MOCS1: variants seen among roughly 807,000 people sequenced by gnomAD.
MOCS1 encodes the protein molybdenum cofactor synthesis 1, also known as molybdenum cofactor biosynthesis protein 1.
In MOCS1, 39 loss-of-function variants were observed where a neutral mutation model predicts 57.6. The ratio of observed to expected loss-of-function variants is 0.68; its 90% CI spans 0.52 to 0.88. MOCS1 has a LOEUF of 0.88. Ranked by LOEUF, MOCS1 falls within the 40% of genes least tolerant of loss-of-function variation. MOCS1 has a pLI of 0.00. For synonymous variants in MOCS1, 334 were observed against 335.7 expected, an observed-to-expected ratio of 1.00 and a Z score of 0.05; for missense variants, 795 against 831.1, an observed-to-expected ratio of 0.96 and a Z score of 0.53.
chr6:39,923,625 C>T (rs3008818), intron 3 of MOCS1, among the ~76,000 whole-genome samples: 88,299 of 152,212 alleles, frequency 0.58, 25,877 homozygotes, highest in East Asian at 0.81. Context: ...CCTTTCCTGG[C>T]AGCCAGCCTG....
chr6:39,913,249 G>A, intron 6 of MOCS1, 68 bp downstream of exon 6: 1 of 1,375,242 alleles, frequency 7.3e-7, no homozygotes, highest in Non-Finnish European at 1.0e-6. Context: ...CCCAGTGGGT[G>A]AGCCACACTA....
intron 2 of MOCS1, among the ~76,000 whole-genome samples, chr6:39,926,079 T>C (rs1308541671): frequency 6.6e-6 from 1 of 152,186 alleles, no homozygotes; most frequent in Non-Finnish European, 1.5e-5. Context: ...ACACACAATC[T>C]GGCCATAACA....
At chr6:39,921,317 T>C (rs145570834) in intron 3 of MOCS1, among the ~76,000 whole-genome samples, 143 of 151,568 alleles carry the variant, frequency 9.4e-4, no homozygotes, top group African/African-American at 3.4e-3. Flanking sequence ...GAGAATGGCG[T>C]GAACCTGGGA....
At chr6:39,910,075 C>T in intron 8 of MOCS1, 120 bp from the exon 9 acceptor site, 1 of 1,421,632 alleles carries the variant, frequency 7.0e-7, no homozygotes, top group Non-Finnish European at 9.8e-7. Flanking sequence ...CCAGGCCTCC[C>T]ATGGCAGGGC....
At chr6:39,931,208 A>T (rs1768625107) in intron 1 of MOCS1, among the ~76,000 whole-genome samples, 1 of 150,880 alleles carries the variant, frequency 6.6e-6, no homozygotes, top group Non-Finnish European at 1.5e-5. Flanking sequence ...GATTAGGGTG[A>T]AGGGGGTGGG....
rs553569118 is a variant in MOCS1, at chr6:39,930,391, T to G, written c.124-2936A>C. The stretch of plus-strand genomic sequence containing the variant: ...GGGTCCCAGGCTGGCCTGGGCTGTT[T>G]CCTCTCCGTGAGAAGTCATTCTGCC... On this transcript the variant is annotated intron_variant, in intron 1 of 10. Transcript: ENST00000340692. Among the ~76,000 whole-genome samples, 10 of 152,278 alleles carry G rather than the reference T, an allele frequency of 6.6e-5. No individual in the cohort carries two copies. In the South Asian group the frequency reaches 1.9e-3, roughly 28 times the overall value.
At chr6:39,921,456 C>A (rs1767967682) in intron 3 of MOCS1, among the ~76,000 whole-genome samples, 1 of 151,876 alleles carries the variant, frequency 6.6e-6, no homozygotes, top group East Asian at 1.9e-4. Flanking sequence ...TCCTTAGGAA[C>A]CACTAACATT....
chr6:39,916,332 G>T, intron 3 of MOCS1, 100 bp from the exon 4 acceptor site: 1 of 1,437,676 alleles, frequency 7.0e-7, no homozygotes, highest in Non-Finnish European at 9.6e-7. Context: ...CAAGATGGAT[G>T]GAAAAGAGGC....
intron 10 of MOCS1, among the ~76,000 whole-genome samples, chr6:39,908,228 T>C (rs1349354063): frequency 2.0e-5 from 3 of 152,232 alleles, no homozygotes; most frequent in South Asian, 2.1e-4. Context: ...CCCTCTGCTC[T>C]AACCTCTAAA....
intron 7 of MOCS1, 43 bp from the exon 8 acceptor site, chr6:39,912,417 G>A (rs1223953745): frequency 1.5e-6 from 2 of 1,373,148 alleles, no homozygotes; most frequent in Non-Finnish European, 2.1e-6. Flanking sequence ...TGGAGGGGAT[G>A]GGCTACTGAG....
At position 39,922,809 on chromosome 6, in the gene MOCS1, C is replaced by A. The variant is rs527265749; in HGVS notation, c.418+2869G>T. Among the ~76,000 whole-genome samples the A allele has an allele frequency of 9.8e-5, 15 of 152,304 alleles. No individual in the cohort carries two copies. In the East Asian group the frequency reaches 2.5e-3, roughly 26 times the overall value. On this transcript the variant is annotated intron_variant, in intron 3 of 10. Transcript: ENST00000340692. Reference sequence around the variant, plus strand: ...CTCGGCAGAAACTGTAACCTGCAATCCTTTTGCTCTGCCTCCAGGTGGGGG... The same window carrying A: ...CTCGGCAGAAACTGTAACCTGCAATACTTTTGCTCTGCCTCCAGGTGGGGG...
chr6:39,927,120 G>C, intron 2 of MOCS1: 1 of 583,538 alleles, frequency 1.7e-6, no homozygotes, highest in Non-Finnish European at 3.0e-6. Flanking sequence ...CTAATTCCAA[G>C]TAGGACACAG....
chr6:39,916,849 C>A (rs1469434479), intron 3 of MOCS1, among the ~76,000 whole-genome samples: 1 of 152,154 alleles, frequency 6.6e-6, no homozygotes. Flanking sequence ...CGGATAGAGA[C>A]CACAGCTCAA....
chr6:39,932,189 A>G (rs374350687), intron 1 of MOCS1: 1 of 152,296 alleles, frequency 6.6e-6, no homozygotes, highest in East Asian at 1.9e-4. Context: ...AGACTACCAG[A>G]GCCCTGTGTG....
In MOCS1 at chr6:39,905,446, G is replaced by A; in HGVS notation, c.*911C>T. ...TGTCTTGGGATAGGATTGATTGATT[G>A]ATTGATAGGTGCAGCCTTCCCTGTG... On this transcript the variant is annotated 3_prime_UTR_variant, in exon 11 of 11. Transcript: ENST00000340692. The A allele has an allele frequency of 2.1e-6, 1 of 470,946 alleles. No homozygotes were observed. Among genetic ancestry groups the A allele is most frequent in the Non-Finnish European group, 4.4e-6 (1 of 227,066 alleles). 29.2% of individuals were successfully genotyped at this position (470,946 alleles called of 1,614,324 possible). A position where few individuals can be genotyped will look rare whatever the true frequency, so the allele number is the denominator to read the frequency against.
Position 39,909,901 on chromosome 6 carries a change from C to G in MOCS1, c.1036G>C (p.Ala346Pro), listed in dbSNP as rs746533600. 1.4e-5 allele frequency: 23 copies of G among 1,613,798 alleles called. No homozygotes were observed. Among genetic ancestry groups the G allele is most frequent in the Non-Finnish European group, 1.9e-5 (22 of 1,180,010 alleles). ...ATTCTCAGCAGCTCCTGCTCAGAGG[C>G]CCCAGCTCGCAGGTGATCCCGCAGG... Reference protein sequence around the residue: ...VSLRDHLRAGASEQELLRIIG... With the variant: ...VSLRDHLRAGPSEQELLRIIG... The change falls in exon 9 of 11, where the codon GCC (alanine) becomes CCC (proline). Residue 346 changes from alanine to proline, a missense_variant. By Grantham distance (27) the Ala-to-Pro change is conservative. Coordinates refer to ENST00000340692, the MANE Select transcript of MOCS1 (RefSeq NM_001358530.2).
In MOCS1 at chr6:39,924,335, G is replaced by T. The variant is rs576532971; in HGVS notation, c.418+1343C>A. On this transcript the variant is annotated intron_variant, in intron 3 of 10. Coordinates refer to ENST00000340692, the MANE Select transcript of MOCS1 (RefSeq NM_001358530.2). The stretch of plus-strand genomic sequence containing the variant: ...CTCTGACCCAGTCTCCATTCATTCA[G>T]CGAATTTCAGGGAGCATCAACCACG... Among the ~76,000 whole-genome samples, 11 of 152,342 alleles carry T rather than the reference G, an allele frequency of 7.2e-5. No individual in the cohort carries two copies. The South Asian group carries it at 1.9e-3, about 26-fold the overall frequency.
chr6:39,927,014 G>A (rs903333345), intron 2 of MOCS1, among the ~76,000 whole-genome samples: 20 of 151,610 alleles, frequency 1.3e-4, no homozygotes, highest in Admixed American at 4.6e-4. Flanking sequence ...CCTGGACTTC[G>A]GGAACTACAG....
Position 39,909,826 on chromosome 6 carries a change from T to C in MOCS1, c.1102+9A>G. 6.2e-7 allele frequency: 1 copy of C among 1,612,496 alleles called. No homozygotes were observed. Among genetic ancestry groups the C allele is most frequent in the Non-Finnish European group, 8.5e-7 (1 of 1,179,964 alleles). On this transcript the variant is annotated intron_variant, in intron 9 of 10. Coordinates refer to ENST00000340692, the MANE Select transcript of MOCS1 (RefSeq NM_001358530.2). ...CCATCCAGGCCAGCCCTCCCCACCC[T>C]GCACTTACCTGCATGCTGCCGCTTC...
Sources: gnomAD v4.1 joint callset for allele counts (sites outside exome capture counted in the v4.1 genomes callset) on GRCh38, gnomAD v4.1.1 for gene constraint, MANE v1.5 for transcripts, NCBI Gene and HGNC (gene_info 2026-07-23, HGNC 2026-07-21) for gene names.